BCAS3: variants seen among roughly 807,000 people sequenced by gnomAD.
BCAS3 encodes the protein BCAS3 microtubule associated cell migration factor.
BCAS3 carries 53 observed loss-of-function variants against 116.1 expected under a neutral mutation model. That is an observed-to-expected ratio of 0.46 (90% confidence interval 0.37 to 0.57). The LOEUF is 0.57. Among genes scored for constraint, BCAS3 ranks in the 20% least tolerant of loss-of-function variants. The probability of loss-of-function intolerance (pLI) is 0.00; values close to 1 mark genes in which losing one functional copy is unlikely to be tolerated. For missense variants in BCAS3, 917 were observed against 1,165.4 expected (o/e 0.79, Z 3.10); for synonymous variants, 391 against 408.2 (o/e 0.96, Z 0.51).
Position 61,098,297 on chromosome 17 carries a change from A to C in BCAS3, c.2425+13733A>C, listed in dbSNP as rs2074104520. Among the ~76,000 whole-genome samples, 1 of 152,186 alleles carries C rather than the reference A, an allele frequency of 6.6e-6. No individual in the cohort carries two copies. Among genetic ancestry groups the C allele is most frequent in the African/African-American group, 2.4e-5 (1 of 41,434 alleles). ...TTGTGCATGGAGAGGAGAAAAATAG[A>C]GTCTTTGTCCCCCTTTCTGTTCTTA... On this transcript the variant is annotated intron_variant, in intron 22 of 23. Transcript: ENST00000407086. This position sits in a 1 kb window ranked among gnomAD's most constrained non-coding sequence, Gnocchi z 4.2.
At chr17:61,050,222 A>T (rs1739832663) in intron 19 of BCAS3, among the ~76,000 whole-genome samples, 6 of 152,192 alleles carry the variant, frequency 3.9e-5, no homozygotes, top group Admixed American at 3.9e-4. Context: ...CTACGTCAGC[A>T]TGAAAGGAAT....
chr17:60,964,508 C>T lies in BCAS3; in HGVS notation c.1221+17156C>T, dbSNP rs1019409456. Among the ~76,000 whole-genome samples the T allele has an allele frequency of 3.9e-5, 6 of 151,924 alleles. No individual in the cohort carries two copies. Among genetic ancestry groups the T allele is most frequent in the South Asian group, 2.1e-4 (1 of 4,822 alleles). On this transcript the variant is annotated intron_variant, in intron 14 of 23. Coordinates refer to ENST00000407086, the MANE Select transcript of BCAS3 (RefSeq NM_017679.5). This position sits in a 1 kb window ranked among gnomAD's most constrained non-coding sequence, Gnocchi z 4.6. ...GCCTGTAGTTTTCTTTTCTTGTTGT[C>T]GTGTCCTTATCTGATTTTACTGTCA...
chr17:61,264,570 GC>G (rs1243832881), intron 22 of BCAS3, among the ~76,000 whole-genome samples: 1 of 152,106 alleles, frequency 6.6e-6, no homozygotes, highest in Non-Finnish European at 1.5e-5. Flanking sequence ...ACCGCGTCCA[GC>G]TAATTTTTGT....
At chr17:60,934,953 GCT>G (rs1448095700) in intron 13 of BCAS3, among the ~76,000 whole-genome samples, 1 of 152,120 alleles carries the variant, frequency 6.6e-6, no homozygotes, top group Non-Finnish European at 1.5e-5. Flanking sequence ...GGGTTCAGGA[GCT>G]TCAGACCAGC....
At chr17:61,178,996 G>A (rs972488085) in intron 22 of BCAS3, among the ~76,000 whole-genome samples, 1 of 152,018 alleles carries the variant, frequency 6.6e-6, no homozygotes, top group Non-Finnish European at 1.5e-5. Flanking sequence ...TCAGGAGGTG[G>A]GAAGGAGTTA....
At chr17:61,052,022 G>T (rs1400731078) in intron 19 of BCAS3, among the ~76,000 whole-genome samples, 2 of 151,904 alleles carry the variant, frequency 1.3e-5, no homozygotes, top group East Asian at 1.9e-4. Context: ...AAAAAGCAAT[G>T]AACTATGGTG....
chr17:60,814,304 T>TGTGTGCGC (rs1555731413), intron 7 of BCAS3, among the ~76,000 whole-genome samples: 3 of 136,704 alleles, frequency 2.2e-5, no homozygotes, highest in African/African-American at 9.0e-5. Context: ...TGTGTGTGTG[T>TGTGTGCGC]GTGCGCGCGT....
rs1448661231 is a variant in BCAS3, at chr17:61,034,028, C to G, written c.1638-638C>G. Among the ~76,000 whole-genome samples the G allele has an allele frequency of 1.3e-5, 2 of 152,128 alleles. No individual in the cohort carries two copies. The highest frequency in any genetic ancestry group is 1.9e-4 in the East Asian group (1 of 5,192). On this transcript the variant is annotated intron_variant, in intron 16 of 23. Transcript: ENST00000407086. The surrounding 1 kb of genome is among the most constrained non-coding windows in gnomAD (Gnocchi z 5.0). ...TTTCTCTGAACAAAAATAGACACAT[C>G]ATTTTCACAAATCCGAGAAGAAAAA...
In BCAS3 at chr17:60,956,506, A is replaced by T. The variant is rs1041863643; in HGVS notation, c.1221+9154A>T. On this transcript the variant is annotated intron_variant, in intron 14 of 23. Transcript: ENST00000407086. The surrounding 1 kb of genome is among the most constrained non-coding windows in gnomAD (Gnocchi z 4.2). ...AGAATTTGGATATTTTAAGCACTTA[A>T]CACCTATTTTTGATACCTCTTTGTA... Among the ~76,000 whole-genome samples, 21 of 152,208 alleles carry T rather than the reference A, an allele frequency of 1.4e-4. No homozygotes were observed. Among genetic ancestry groups the T allele is most frequent in the African/African-American group, 5.1e-4 (21 of 41,464 alleles).
intron 10 of BCAS3, among the ~76,000 whole-genome samples, chr17:60,899,297 C>G (rs1470371792): frequency 6.6e-6 from 1 of 152,084 alleles, no homozygotes; most frequent in Non-Finnish European, 1.5e-5. Flanking sequence ...CCTGTCTCAC[C>G]CCCATCCCTG....
Position 61,265,699 on chromosome 17 carries a change from C to CCT in BCAS3, c.2426-102627_2426-102626insTC, listed in dbSNP as rs2049634719. ...CTATGTAACACCATCATTCTTTTTT[C>CCT]CCCCCCATCAAGTAGTATATCTGCC... is the stretch of plus-strand genomic sequence containing the variant. On this transcript the variant is annotated intron_variant, in intron 22 of 23. Transcript: ENST00000407086. The surrounding 1 kb of genome is among the most constrained non-coding windows in gnomAD (Gnocchi z 4.3). Among the ~76,000 whole-genome samples the CCT allele has an allele frequency of 5.4e-5, 1 of 18,620 alleles. No individual in the cohort carries two copies. The highest frequency in any genetic ancestry group is 7.6e-4 in the Admixed American group (1 of 1,322). 12.2% of individuals were successfully genotyped at this position (18,620 alleles called of 152,430 possible). A position where few individuals can be genotyped will look rare whatever the true frequency, so the allele number is the denominator to read the frequency against.
rs73328842 is a variant in BCAS3 at position 61,280,357 on chromosome 17, A to G, written c.2426-87970A>G. ...CATAGGATCAACAGTAGTCCACCTCAAAGACAGTTATTGTTTCTTAAAGTC... is the reference window on the plus strand; with the variant it reads ...CATAGGATCAACAGTAGTCCACCTCGAAGACAGTTATTGTTTCTTAAAGTC... On this transcript the variant is annotated intron_variant, in intron 22 of 23. Coordinates refer to ENST00000407086, the MANE Select transcript of BCAS3 (RefSeq NM_017679.5). Among the ~76,000 whole-genome samples the G allele has an allele frequency of 8.0e-3, 1,215 of 152,360 alleles. 13 individuals are homozygous for G. The highest frequency in any genetic ancestry group is 0.027 in the African/African-American group (1,133 of 41,584).
intron 22 of BCAS3, among the ~76,000 whole-genome samples, chr17:61,085,730 G>C (rs1270812302): frequency 6.6e-6 from 1 of 152,148 alleles, no homozygotes; most frequent in Non-Finnish European, 1.5e-5. Flanking sequence ...GAAATGTGTA[G>C]AGTCGCTATC....
Position 60,947,321 on chromosome 17 carries a change from A to G in BCAS3, c.1190A>G (p.Tyr397Cys). The G allele has an allele frequency of 6.2e-7, 1 of 1,613,822 alleles. No homozygotes were observed. The highest frequency in any genetic ancestry group is 8.5e-7 in the Non-Finnish European group (1 of 1,179,812). Residue 397 changes from tyrosine (Y) to cysteine (C), a missense_variant, in exon 14 of 24, where the codon TAT becomes TGT. Coordinates refer to ENST00000407086, the MANE Select transcript of BCAS3 (RefSeq NM_017679.5). ...TCACAATGTGCTGTCCACCATCTGT[A>G]TACTCTTCACAGGGGAGAAACTGAA... ...SSSQCAVHHL[Y>C]TLHRGETEAK...
intron 5 of BCAS3, among the ~76,000 whole-genome samples, chr17:60,726,902 ACATT>A (rs1265602540): frequency 6.6e-6 from 1 of 152,160 alleles, no homozygotes; most frequent in Admixed American, 6.5e-5. Context: ...AATGCACCAT[ACATT>A]GTTTTAGGCA....
intron 7 of BCAS3, among the ~76,000 whole-genome samples, chr17:60,848,934 A>G (rs892590059): frequency 1.3e-5 from 2 of 152,174 alleles, no homozygotes; most frequent in Non-Finnish European, 2.9e-5. Context: ...ACTCTGCCTT[A>G]GTCTTCACTT....
intron 5 of BCAS3, among the ~76,000 whole-genome samples, chr17:60,725,028 G>GT (rs1003090253): frequency 6.6e-5 from 10 of 151,878 alleles, no homozygotes; most frequent in African/African-American, 1.7e-4. Context: ...CTTAAAAAAA[G>GT]TTTTTTTTGT....
intron 13 of BCAS3, among the ~76,000 whole-genome samples, chr17:60,926,934 G>T (rs2059393111): frequency 6.6e-6 from 1 of 152,152 alleles, no homozygotes; most frequent in African/African-American, 2.4e-5. Flanking sequence ...CTATTTTTCT[G>T]TGTTGCTGGG....
At chr17:60,786,905 TGTG>T (rs1315504648) in intron 6 of BCAS3, among the ~76,000 whole-genome samples, 1 of 152,204 alleles carries the variant, frequency 6.6e-6, no homozygotes, top group East Asian at 1.9e-4. Flanking sequence ...TTTATTCTAA[TGTG>T]TGTGTTTTCC....
Sources: gnomAD v4.1 joint callset for allele counts (sites outside exome capture counted in the v4.1 genomes callset) on GRCh38, gnomAD v4.1.1 for gene constraint, Gnocchi (gnomAD v3.1) non-coding constraint, MANE v1.5 for transcripts, NCBI Gene and HGNC (gene_info 2026-07-23, HGNC 2026-07-21) for gene names.